GPD1L: variants seen among roughly 807,000 people sequenced by gnomAD.
The protein encoded by GPD1L is glycerol-3-phosphate dehydrogenase 1-like protein.
In GPD1L, 17 loss-of-function variants were observed where a neutral mutation model predicts 32.9. The ratio of observed to expected loss-of-function variants is 0.52; its 90% CI spans 0.35 to 0.78. The LOEUF (loss-of-function observed/expected upper bound fraction) is 0.78. GPD1L is among the 30% of genes least tolerant of loss of function. GPD1L has a pLI of 0.01. For missense variants in GPD1L, 361 were observed against 447.8 expected (o/e 0.81, Z 1.75); for synonymous variants, 187 against 165.9 (o/e 1.13, Z -0.98).
At chr3:32,120,626 G>T (rs1700398713) in intron 1 of GPD1L, among the ~76,000 whole-genome samples, 1 of 152,098 alleles carries the variant, frequency 6.6e-6, no homozygotes, top group Non-Finnish European at 1.5e-5. Context: ...GTACAACAAA[G>T]ATCAGCAATT....
rs1389221876 is a variant in GPD1L at position 32,128,265 on chromosome 3, G to T, written c.225+12G>T. ...TGCCAGAAAATGTGGTAAGACTTTG[G>T]GGTGAAATGTACATTGGTTCATTCT... On this transcript the variant is annotated intron_variant, in intron 2 of 7. Coordinates refer to ENST00000282541, the MANE Select transcript of GPD1L (RefSeq NM_015141.4). The T allele has an allele frequency of 6.2e-7, 1 of 1,609,478 alleles. No individual in the cohort carries two copies. Among genetic ancestry groups the T allele is most frequent in the East Asian group, 2.2e-5 (1 of 44,842 alleles).
intron 5 of GPD1L, among the ~76,000 whole-genome samples, chr3:32,156,518 C>T (rs986057312): frequency 2.6e-5 from 4 of 152,206 alleles, no homozygotes. Flanking sequence ...ATTCTCTAGC[C>T]CTCTTCATTC....
Position 32,112,243 on chromosome 3 carries a change from T to A in GPD1L, c.47+5485T>A, listed in dbSNP as rs1334950185. Among the ~76,000 whole-genome samples, 3 of 121,058 alleles carry A rather than the reference T, an allele frequency of 2.5e-5. 1 individual carries two copies. The highest frequency in any genetic ancestry group is 4.9e-5 in the Non-Finnish European group (3 of 61,810). The allele number at this position is 121,058 out of a possible 152,430, so 79.4% of individuals were successfully genotyped here. A position where few individuals can be genotyped will look rare whatever the true frequency, so the allele number is the denominator to read the frequency against. ...CTATAACCTCAATACTTTGGGAGGC[T>A]GAGGTGGAGAATCATTTGAGCCCCA... On this transcript the variant is annotated intron_variant, in intron 1 of 7. Transcript: ENST00000282541.
At chr3:32,141,543 T>A (rs1183226908) in intron 4 of GPD1L, among the ~76,000 whole-genome samples, 1 of 152,212 alleles carries the variant, frequency 6.6e-6, no homozygotes, top group Non-Finnish European at 1.5e-5. Flanking sequence ...TCCATATATT[T>A]GGATACAAAA....
At chr3:32,137,823 A>C (rs1575114730) in intron 2 of GPD1L, among the ~76,000 whole-genome samples, 1 of 152,198 alleles carries the variant, frequency 6.6e-6, no homozygotes, top group African/African-American at 2.4e-5. Context: ...TTTCTATATC[A>C]TTTAGTCCTC....
At chr3:32,143,596 C>T (rs1274380341) in intron 4 of GPD1L, among the ~76,000 whole-genome samples, 1 of 152,134 alleles carries the variant, frequency 6.6e-6, no homozygotes, top group Non-Finnish European at 1.5e-5. Context: ...ATTATCTTAG[C>T]ACTTTGGGAG....
At chr3:32,149,438 A>T (rs1028862235) in intron 5 of GPD1L, among the ~76,000 whole-genome samples, 7 of 152,224 alleles carry the variant, frequency 4.6e-5, no homozygotes, top group African/African-American at 7.2e-5. Flanking sequence ...AATGTACATT[A>T]TCTTTTTTGT....
rs181470868 is a variant in GPD1L at position 32,114,084 on chromosome 3, G to A, written c.47+7326G>A. Among the ~76,000 whole-genome samples, 8 of 152,286 alleles carry A rather than the reference G, an allele frequency of 5.3e-5. No individual in the cohort carries two copies. The East Asian group carries it at 1.4e-3, about 26-fold the overall frequency. ...TGCCCAAGCTGATTTCGAACACCTG[G>A]GCTCAAGTGATCCTCCTGCCTTGGC... On this transcript the variant is annotated intron_variant, in intron 1 of 7. Transcript: ENST00000282541.
chr3:32,158,335 A>G (rs1429408890), intron 5 of GPD1L: 1 of 172,106 alleles, frequency 5.8e-6, no homozygotes, highest in African/African-American at 2.4e-5. Context: ...AAACACATCT[A>G]TGCTGTGAGA....
At chr3:32,125,518 C>G (rs1413365329) in intron 1 of GPD1L, among the ~76,000 whole-genome samples, 7 of 152,178 alleles carry the variant, frequency 4.6e-5, no homozygotes, top group Non-Finnish European at 8.8e-5. Flanking sequence ...TCTCCCTGCA[C>G]CCTGGGTTGG....
chr3:32,165,849 A>C lies in GPD1L; in HGVS notation c.995A>C (p.Tyr332Ser), dbSNP rs775731610. The change falls in exon 8 of 8, where the codon TAC (tyrosine) becomes TCC (serine). Residue 332 changes from tyrosine (Y) to serine (S), a missense_variant. Tyr to Ser is a moderately radical substitution (Grantham distance 144). Coordinates refer to ENST00000282541, the MANE Select transcript of GPD1L (RefSeq NM_015141.4). ...PLFTAVYQIC[Y>S]ESRPVQEMLS... Reference sequence around the variant, plus strand: ...TTTACTGCAGTGTATCAGATCTGCTACGAAAGCAGACCAGTTCAAGAGATG... The same window carrying C: ...TTTACTGCAGTGTATCAGATCTGCTCCGAAAGCAGACCAGTTCAAGAGATG... 6.2e-7 allele frequency: 1 copy of C among 1,608,522 alleles called. No individual in the cohort carries two copies. The highest frequency in any genetic ancestry group is 1.1e-5 in the South Asian group (1 of 90,948).
Position 32,166,225 on chromosome 3 carries a change from T to C in GPD1L, c.*315T>C, listed in dbSNP as rs962657598. 1.0e-5 allele frequency: 4 copies of C among 396,984 alleles called. No homozygotes were observed. The highest frequency in any genetic ancestry group is 1.9e-5 in the Non-Finnish European group (4 of 212,532). 24.6% of individuals were successfully genotyped at this position (396,984 alleles called of 1,614,324 possible). ...TCCACACAATCGTAGCTTATAAGAT[T>C]GGAACGATCTCAGCCAAATATTTTA... On this transcript the variant is annotated 3_prime_UTR_variant, in exon 8 of 8. Coordinates refer to ENST00000282541, the MANE Select transcript of GPD1L (RefSeq NM_015141.4).
intron 2 of GPD1L, among the ~76,000 whole-genome samples, chr3:32,131,618 G>T (rs958256706): frequency 1.3e-5 from 2 of 152,156 alleles, no homozygotes; most frequent in Admixed American, 6.5e-5. Context: ...CGATCCTGTT[G>T]TATGGATGTC....
intron 1 of GPD1L, among the ~76,000 whole-genome samples, chr3:32,120,668 T>G (rs1307941029): frequency 6.6e-6 from 1 of 152,126 alleles, no homozygotes; most frequent in African/African-American, 2.4e-5. Flanking sequence ...CTCCTAGTCA[T>G]TTACAATGAG....
chr3:32,155,668 G>A (rs1700978048), intron 5 of GPD1L, among the ~76,000 whole-genome samples: 1 of 152,138 alleles, frequency 6.6e-6, no homozygotes, highest in Non-Finnish European at 1.5e-5. Context: ...TCTGGGCTTC[G>A]GCAGTCAGAC....
intron 1 of GPD1L, among the ~76,000 whole-genome samples, chr3:32,123,695 A>AAGAC (rs1187846111): frequency 6.6e-6 from 1 of 152,092 alleles, no homozygotes; most frequent in Non-Finnish European, 1.5e-5. Flanking sequence ...CGGGAGTCGA[A>AAGAC]AGACAGACAG....
intron 5 of GPD1L, chr3:32,151,223 C>G (rs1261601804): frequency 3.3e-6 from 2 of 601,494 alleles, no homozygotes; most frequent in African/African-American, 3.7e-5. Flanking sequence ...CCTTCTTTTT[C>G]TGATCATTTT....
chr3:32,126,989 A>G (rs1430100296), intron 1 of GPD1L, among the ~76,000 whole-genome samples: 1 of 152,202 alleles, frequency 6.6e-6, no homozygotes, highest in Non-Finnish European at 1.5e-5. Context: ...TGTTAGAATT[A>G]CTTGAAATTT....
chr3:32,151,132 C>T (rs75781469), intron 5 of GPD1L: 13,545 of 520,774 alleles, frequency 0.026, 1,152 homozygotes, highest in East Asian at 0.24. Flanking sequence ...GGCTCCTTCC[C>T]ACTGGTTCCC....
Sources: gnomAD v4.1 joint callset for allele counts (sites outside exome capture counted in the v4.1 genomes callset) on GRCh38, gnomAD v4.1.1 for gene constraint, MANE v1.5 for transcripts, NCBI Gene and HGNC (gene_info 2026-07-23, HGNC 2026-07-21) for gene names.